The following PCNX1 variants were observed in gnomAD, a reference collection of about 807,000 sequenced individuals.
PCNX1 encodes pecanex-like protein 1.
Under a neutral mutation model 242.2 loss-of-function variants are expected in PCNX1, and 78 were observed. The ratio of observed to expected loss-of-function variants is 0.32; its 90% CI spans 0.27 to 0.39. The LOEUF (loss-of-function observed/expected upper bound fraction) is 0.39, where lower values mean the gene tolerates loss of function less well. Among genes scored for constraint, PCNX1 ranks in the 10% least tolerant of loss-of-function variants. The pLI, the probability that PCNX1 is intolerant of heterozygous loss-of-function variation, is 1.00. For missense variants in PCNX1, 2,581 were observed against 2,856.5 expected, an observed-to-expected ratio of 0.90 and a Z score of 2.20; for synonymous variants, 1,024 against 1,032.9, an observed-to-expected ratio of 0.99 and a Z score of 0.17.
intron 13 of PCNX1, among the ~76,000 whole-genome samples, chr14:71,025,742 G>A (rs1269414731): frequency 6.6e-6 from 1 of 152,064 alleles, no homozygotes; most frequent in African/African-American, 2.4e-5. Flanking sequence ...AGCGATGTGC[G>A]CCTGTAGTCC....
chr14:70,917,569 G>A (rs1459544565), intron 1 of PCNX1, among the ~76,000 whole-genome samples: 3 of 152,162 alleles, frequency 2.0e-5, no homozygotes, highest in African/African-American at 4.8e-5. Flanking sequence ...TCTCAAAGAT[G>A]GGGTTAAAAT....
chr14:71,028,185 AT>A (rs2060288010), intron 15 of PCNX1, among the ~76,000 whole-genome samples: 2 of 151,838 alleles, frequency 1.3e-5, no homozygotes, highest in South Asian at 4.1e-4. Flanking sequence ...TGTCTAAAGT[AT>A]CTGTTATTAG....
chr14:71,013,315 G>A, intron 11 of PCNX1, 113 bp downstream of exon 11: 1 of 854,738 alleles, frequency 1.2e-6, no homozygotes, highest in Non-Finnish European at 2.0e-6. Context: ...AATGTTTTCT[G>A]GTTTTGTCCT....
intron 2 of PCNX1, among the ~76,000 whole-genome samples, chr14:70,948,342 C>T (rs2057543856): frequency 6.6e-6 from 1 of 152,110 alleles, no homozygotes; most frequent in Non-Finnish European, 1.5e-5. Flanking sequence ...TTAAATTTCT[C>T]TCTTTTGTAC....
In PCNX1 at chr14:71,033,881, T is replaced by C. The variant is rs147683042; in HGVS notation, c.3669-50T>C. 7.5e-4 allele frequency: 715 copies of C among 959,436 alleles called. 7 individuals carry two copies. In the African/African-American group the frequency reaches 0.011, roughly 15 times the overall value. The allele number at this position is 959,436 out of a possible 1,614,324, so 59.4% of individuals were successfully genotyped here. On this transcript the variant is annotated intron_variant, in intron 17 of 35. Coordinates refer to ENST00000304743, the MANE Select transcript of PCNX1 (RefSeq NM_014982.3). ...AAACTTCATTGCCCGTTTGAATTAC[T>C]GGTTTTCAGATTATCTATGTATTTT... is the stretch of plus-strand genomic sequence containing the variant.
chr14:71,047,823 A>G lies in PCNX1; in HGVS notation c.4177A>G (p.Ile1393Val). 1.2e-6 allele frequency: 2 copies of G among 1,610,428 alleles called. No homozygotes were observed. Among genetic ancestry groups the G allele is most frequent in the Non-Finnish European group, 1.7e-6 (2 of 1,177,688 alleles). Reference sequence around the variant, plus strand: ...GTGCCACAGATTAGGTGCTTTAATGATCACTGTTGCTGGTTTGAAGTTGCT... The same window carrying G: ...GTGCCACAGATTAGGTGCTTTAATGGTCACTGTTGCTGGTTTGAAGTTGCT... ...KLNTELGALM[I>V]TVAGLKLLRS... The change falls in exon 22 of 36, where the codon ATC becomes GTC. Residue 1393 changes from isoleucine to valine, a missense_variant. Coordinates refer to ENST00000304743, the MANE Select transcript of PCNX1 (RefSeq NM_014982.3).
intron 1 of PCNX1, among the ~76,000 whole-genome samples, chr14:70,937,837 A>C (rs1054363687): frequency 6.6e-6 from 1 of 152,150 alleles, no homozygotes; most frequent in Admixed American, 6.5e-5. Flanking sequence ...TTCTCCTTGA[A>C]GAGGTCCTTC....
Position 71,109,492 on chromosome 14 carries a change from C to CT in PCNX1, c.6786dup (p.Lys2263Ter), listed in dbSNP as rs781010743. 6.2e-7 allele frequency: 1 copy of CT among 1,613,430 alleles called. No individual in the cohort carries two copies. Among genetic ancestry groups the CT allele is most frequent in the African/African-American group, 1.3e-5 (1 of 74,876 alleles). ...CAAATTCTGGAAGGGATCAACCTGTCTAAAAGGAAAGAGCTACAGTGGCCT... is the reference window on the plus strand; with the variant it reads ...CAAATTCTGGAAGGGATCAACCTGTCTTAAAAGGAAAGAGCTACAGTGGCCT... On this transcript the variant is annotated frameshift_variant, in exon 35 of 36. Transcript: ENST00000304743. LOFTEE classifies it high-confidence loss of function.
intron 26 of PCNX1, 45 bp from the exon 27 acceptor site, chr14:71,073,500 C>T (rs1327267147): frequency 3.9e-6 from 6 of 1,548,106 alleles, no homozygotes; most frequent in Admixed American, 3.8e-5. Flanking sequence ...ATTTTTCCCA[C>T]TTTCTGGTTT....
chr14:71,032,567 T>C (rs529637481), intron 16 of PCNX1, among the ~76,000 whole-genome samples: 26 of 152,326 alleles, frequency 1.7e-4, no homozygotes, highest in African/African-American at 6.0e-4. Context: ...AAAATGTCTG[T>C]GTTATGATGT....
intron 27 of PCNX1, among the ~76,000 whole-genome samples, chr14:71,074,087 A>G (rs891846647): frequency 9.9e-5 from 15 of 152,210 alleles, no homozygotes; most frequent in African/African-American, 3.6e-4. Context: ...AAATACGCAT[A>G]CACACGTGTA....
chr14:70,968,250 G>T lies in PCNX1; in HGVS notation c.514+7G>T. The T allele has an allele frequency of 6.2e-7, 1 of 1,609,210 alleles. No homozygotes were observed. The highest frequency in any genetic ancestry group is 1.1e-5 in the South Asian group (1 of 90,928). On this transcript the variant is annotated splice_region_variant and intron_variant, in intron 4 of 35. Coordinates refer to ENST00000304743, the MANE Select transcript of PCNX1 (RefSeq NM_014982.3). ...ACAGCAGCAACTATTAAAGGTAGGT[G>T]TGATCTAACTTAAAAGTTGCACCTG...
At position 71,113,042 on chromosome 14, in the gene PCNX1, A is replaced by C. The variant is rs2062783835; in HGVS notation, c.*3107A>C. The C allele has an allele frequency of 6.6e-6, 1 of 152,190 alleles. No homozygotes were observed. Among genetic ancestry groups the C allele is most frequent in the Non-Finnish European group, 1.5e-5 (1 of 68,036 alleles). The allele number at this position is 152,190 out of a possible 1,614,324, so 9.4% of individuals were successfully genotyped here. On this transcript the variant is annotated 3_prime_UTR_variant, in exon 36 of 36. Coordinates refer to ENST00000304743, the MANE Select transcript of PCNX1 (RefSeq NM_014982.3). ...CATTTTCAACACTGGATAAAACTTTAATGTTGACTTTTTGCTAAAGAACTT... is the reference window on the plus strand; with the variant it reads ...CATTTTCAACACTGGATAAAACTTTCATGTTGACTTTTTGCTAAAGAACTT...
In PCNX1 at chr14:70,976,975, T is replaced by C. The variant is rs745656464; in HGVS notation, c.638T>C (p.Val213Ala). ...LAADRKLFRL[V>A]SNDSFISIQP... is the part of the protein sequence containing the mutation. ...GCTGATCGGAAGCTCTTTCGTCTTGTCTCCAATGACTCCTTCATCTCTATT... is the reference window on the plus strand; with the variant it reads ...GCTGATCGGAAGCTCTTTCGTCTTGCCTCCAATGACTCCTTCATCTCTATT... The change falls in exon 6 of 36, where the codon GTC becomes GCC. Residue 213 changes from valine (V) to alanine (A), a missense_variant. Around this residue, in one of 9 missense-constraint regions of PCNX1, gnomAD observed 1,204 missense variants for 1,216.7 expected, o/e 0.99. Transcript: ENST00000304743. The C allele has an allele frequency of 1.9e-6, 3 of 1,613,736 alleles. No homozygotes were observed. In the South Asian group the frequency reaches 3.3e-5, roughly 18 times the overall value.
At position 71,113,839 on chromosome 14, in the gene PCNX1, A is replaced by G. The variant is rs572452549; in HGVS notation, c.*3904A>G. The stretch of plus-strand genomic sequence containing the variant: ...AATTAATTTGTCATGAATATGGACA[A>G]AGCCTTTTCTGGGGTGTGTGTGTGT... On this transcript the variant is annotated 3_prime_UTR_variant, in exon 36 of 36. Coordinates refer to ENST00000304743, the MANE Select transcript of PCNX1 (RefSeq NM_014982.3). 5 of 152,288 alleles carry G rather than the reference A, an allele frequency of 3.3e-5. No individual in the cohort carries two copies. The highest frequency in any genetic ancestry group is 1.2e-4 in the African/African-American group (5 of 41,566). The allele number at this position is 152,288 out of a possible 1,614,324, so 9.4% of individuals were successfully genotyped here.
At chr14:71,059,080 ATG>A (rs10555526) in intron 26 of PCNX1, among the ~76,000 whole-genome samples, 44,784 of 151,916 alleles carry the variant, frequency 0.29, 6,582 homozygotes, top group Middle Eastern at 0.4. Context: ...TTTAAAATAA[ATG>A]TGCATGGGAG....
intron 10 of PCNX1, chr14:71,012,156 C>A (rs549713804): frequency 6.5e-6 from 1 of 152,756 alleles, no homozygotes. Flanking sequence ...AACAAACAAA[C>A]AAACAAACAG....
At chr14:70,958,743 T>A (rs554231911) in intron 2 of PCNX1, among the ~76,000 whole-genome samples, 1 of 152,138 alleles carries the variant, frequency 6.6e-6, no homozygotes, top group Non-Finnish European at 1.5e-5. Context: ...TTGGGTCCTG[T>A]GCTTATTCTA....
rs1595253169 is a variant in PCNX1, at chr14:71,016,593, T to C, written c.2997-2416T>C. Among the ~76,000 whole-genome samples the C allele has an allele frequency of 4.6e-5, 7 of 152,186 alleles. 1 individual carries two copies. In the South Asian group the frequency reaches 1.5e-3, roughly 32 times the overall value. Reference sequence around the variant, plus strand: ...TAATAACAAATAGAACCTTGGAAAATTCCCAAATATTTGGAAACTAAACAC... The same window carrying C: ...TAATAACAAATAGAACCTTGGAAAACTCCCAAATATTTGGAAACTAAACAC... On this transcript the variant is annotated intron_variant, in intron 11 of 35. Coordinates refer to ENST00000304743, the MANE Select transcript of PCNX1 (RefSeq NM_014982.3).
Sources: gnomAD v4.1 joint callset for allele counts (sites outside exome capture counted in the v4.1 genomes callset) on GRCh38, gnomAD v4.1.1 for gene constraint, gnomAD v4.1.1 regional missense constraint, MANE v1.5 for transcripts, NCBI Gene and HGNC (gene_info 2026-07-23, HGNC 2026-07-21) for gene names.